The following IPO11 variants were observed in gnomAD, a reference collection of about 807,000 sequenced individuals.
IPO11 encodes the protein importin 11, also known as importin-11.
IPO11 carries 66 observed loss-of-function variants against 143.2 expected under a neutral mutation model. That is an observed-to-expected ratio of 0.46 (90% confidence interval 0.38 to 0.57). IPO11 has a LOEUF of 0.57. Ranked by LOEUF, IPO11 falls within the 20% of genes least tolerant of loss-of-function variation. The probability of loss-of-function intolerance (pLI) is 0.00; values close to 1 mark genes in which losing one functional copy is unlikely to be tolerated. For missense variants in IPO11, 1,026 were observed against 1,141.0 expected (o/e 0.90, Z 1.45); for synonymous variants, 385 against 377.8 (o/e 1.02, Z -0.22).
chr5:62,584,075 A>G (rs141132026), intron 27 of IPO11, among the ~76,000 whole-genome samples: 92 of 152,334 alleles, frequency 6.0e-4, no homozygotes, highest in Middle Eastern at 3.4e-3. Context: ...ACAAATGACC[A>G]ATATTAGAAA....
rs550078584 is a variant in IPO11, at chr5:62,529,272, G to A, written c.2013-1437G>A. Among the ~76,000 whole-genome samples, 6 of 152,128 alleles carry A rather than the reference G, an allele frequency of 3.9e-5. No homozygotes were observed. The East Asian group carries it at 1.2e-3, about 29-fold the overall frequency. ...AGTAATGAATACTGGTAAGCAGGCA[G>A]CAGTATCAGCTATATCTTATTAAAT... is the stretch of plus-strand genomic sequence containing the variant. On this transcript the variant is annotated intron_variant, in intron 21 of 29. Transcript: ENST00000325324.
chr5:62,434,081 G>T (rs565949745), intron 1 of IPO11, among the ~76,000 whole-genome samples: 6 of 151,752 alleles, frequency 4.0e-5, no homozygotes, highest in African/African-American at 1.2e-4. Flanking sequence ...TTCATTTTCC[G>T]CCACTTTCCC....
chr5:62,468,370 C>G (rs896092801), intron 6 of IPO11, among the ~76,000 whole-genome samples: 1 of 152,212 alleles, frequency 6.6e-6, no homozygotes, highest in African/African-American at 2.4e-5. Flanking sequence ...ACATCACTTA[C>G]TTTCACCAGA....
chr5:62,514,287 T>C (rs1741918069), intron 19 of IPO11, among the ~76,000 whole-genome samples: 1 of 152,080 alleles, frequency 6.6e-6, no homozygotes, highest in Non-Finnish European at 1.5e-5. Context: ...GCCACTGCAC[T>C]CCAGCCTGGG....
At chr5:62,566,922 G>A (rs1162570365) in intron 27 of IPO11, among the ~76,000 whole-genome samples, 1 of 151,834 alleles carries the variant, frequency 6.6e-6, no homozygotes, top group East Asian at 1.9e-4. Context: ...TGATCTCCTG[G>A]GCTCAAGTGA....
At chr5:62,451,965 T>G (rs1744943082) in intron 5 of IPO11, 32 bp downstream of exon 5, 2 of 1,573,914 alleles carry the variant, frequency 1.3e-6, no homozygotes, top group Admixed American at 3.3e-5. Context: ...AATTTGATTA[T>G]GAAAATTGTG....
At position 62,536,715 on chromosome 5, in the gene IPO11, A is replaced by C. The variant is rs1034134846; in HGVS notation, c.2103A>C (p.Glu701Asp). 3 of 1,577,648 alleles carry C rather than the reference A, an allele frequency of 1.9e-6. No homozygotes were observed. In the Admixed American group the frequency reaches 5.8e-5, roughly 31 times the overall value. The change falls in exon 23 of 30, where the codon GAA becomes GAC. Residue 701 changes from glutamate (E) to aspartate (D), a missense_variant. Physicochemically the swap from Glu to Asp is conservative, Grantham distance 45. This residue lies in a region of IPO11 where 351 missense variants were observed against 358.9 expected (regional missense o/e 0.98). Transcript: ENST00000325324. ...TTGTTTTGGCAGAACTAAGTTCAGA[A>C]AATCTTAGAACTTGCTTTAAGATCA... ...NMSPLLELSS[E>D]NLRTCFKIIN...
chr5:62,495,326 A>T (rs927786044), intron 16 of IPO11, among the ~76,000 whole-genome samples: 1 of 152,234 alleles, frequency 6.6e-6, no homozygotes, highest in African/African-American at 2.4e-5. Context: ...AGAATAAAGC[A>T]TAAGATTTAA....
At chr5:62,482,598 A>G (rs916095951) in intron 9 of IPO11, among the ~76,000 whole-genome samples, 16 of 152,252 alleles carry the variant, frequency 1.1e-4, no homozygotes, top group African/African-American at 3.9e-4. Context: ...ATTTGCCTAG[A>G]TCCATTATTT....
intron 16 of IPO11, among the ~76,000 whole-genome samples, chr5:62,497,965 T>A (rs1580249788): frequency 1.3e-5 from 2 of 152,326 alleles, no homozygotes; most frequent in African/African-American, 4.8e-5. Context: ...TGGACCTGTT[T>A]CTGGAATTTG....
intron 29 of IPO11, among the ~76,000 whole-genome samples, chr5:62,608,982 T>C (rs948943278): frequency 1.3e-5 from 2 of 152,238 alleles, no homozygotes; most frequent in African/African-American, 4.8e-5. Flanking sequence ...TGGAATGTTA[T>C]GCAGTAGGAC....
At chr5:62,551,019 G>GTATATATATA (rs373267363) in intron 25 of IPO11, among the ~76,000 whole-genome samples, 26 of 144,352 alleles carry the variant, frequency 1.8e-4, no homozygotes, top group South Asian at 6.6e-4. Flanking sequence ...TCTCTTTATT[G>GTATATATATA]TATATATATA....
chr5:62,428,370 G>A (rs926476148), intron 1 of IPO11, among the ~76,000 whole-genome samples: 1 of 151,958 alleles, frequency 6.6e-6, no homozygotes, highest in African/African-American at 2.4e-5. Flanking sequence ...TTGAGGCGGA[G>A]TCTCACTGTG....
chr5:62,467,776 CCCTTAGCATAAATCT>C (rs1382908668), intron 6 of IPO11, among the ~76,000 whole-genome samples: 4 of 152,138 alleles, frequency 2.6e-5, no homozygotes, highest in Non-Finnish European at 5.9e-5. Flanking sequence ...TGCAGGCATT[CCCTTAGCATAAATCT>C]CCATCTCACT....
intron 22 of IPO11, 130 bp from the exon 23 acceptor site, chr5:62,536,572 C>G (rs1262995914): frequency 9.5e-7 from 1 of 1,052,202 alleles, no homozygotes; most frequent in Non-Finnish European, 1.3e-6. Flanking sequence ...TACTGGTAGT[C>G]TTGATAGTAC....
At chr5:62,575,377 GTCTCT>G (rs1744280246) in intron 27 of IPO11, among the ~76,000 whole-genome samples, 1 of 152,114 alleles carries the variant, frequency 6.6e-6, no homozygotes, top group African/African-American at 2.4e-5. Flanking sequence ...ATTTGCCATG[GTCTCT>G]TACTCCTCAG....
Position 62,467,189 on chromosome 5 carries a change from T to G in IPO11, c.575T>G (p.Phe192Cys). 1 of 1,614,024 alleles carries G rather than the reference T, an allele frequency of 6.2e-7. No homozygotes were observed. The highest frequency in any genetic ancestry group is 8.5e-7 in the Non-Finnish European group (1 of 1,179,922). ...CSLWNHHTDT[F>C]LQEVSSGNEA... The stretch of plus-strand genomic sequence containing the variant: ...CTGTGGAATCACCACACAGACACAT[T>G]CCTGCAAGAAGTTTCTTCTGGCAAT... The change falls in exon 6 of 30, where the codon TTC (phenylalanine) becomes TGC (cysteine). Residue 192 changes from phenylalanine (F) to cysteine (C), a missense_variant. Physicochemically the swap from Phe to Cys is radical, Grantham distance 205 (BLOSUM62 -2). Around this residue, in one of 5 missense-constraint regions of IPO11, gnomAD observed 429 missense variants for 456.3 expected, o/e 0.94. Transcript: ENST00000325324.
At chr5:62,502,276 A>G (rs1741371250) in intron 16 of IPO11, among the ~76,000 whole-genome samples, 1 of 152,178 alleles carries the variant, frequency 6.6e-6, no homozygotes, top group Non-Finnish European at 1.5e-5. Context: ...ACAGACTCAC[A>G]GTAGAAATGT....
chr5:62,592,238 A>G (rs1031983809), intron 28 of IPO11, among the ~76,000 whole-genome samples: 2 of 152,254 alleles, frequency 1.3e-5, no homozygotes, highest in East Asian at 1.9e-4. Context: ...TAAAATTTCA[A>G]ATATATTTTA....
Sources: allele counts gnomAD v4.1 joint callset (sites outside exome capture counted in the v4.1 genomes callset), GRCh38; gene constraint gnomAD v4.1.1; regional missense constraint gnomAD v4.1.1; transcripts MANE v1.5; gene names NCBI Gene and HGNC (gene_info 2026-07-23, HGNC 2026-07-21).